Variants in IQGAP1 observed in about 807,000 individuals in gnomAD.
IQGAP1 encodes IQ motif containing GTPase activating protein 1, also known as ras GTPase-activating-like protein IQGAP1.
Under a neutral mutation model 215.6 loss-of-function variants are expected in IQGAP1, and 66 were observed. The observed-to-expected ratio is 0.31, with a 90% CI of 0.25 to 0.38. IQGAP1 has a LOEUF of 0.38. IQGAP1 is among the 10% of genes least tolerant of loss of function. IQGAP1 has a pLI of 1.00. For missense variants in IQGAP1, 1,712 were observed against 1,997.1 expected (o/e 0.86, Z 2.72); for synonymous variants, 772 against 728.7 (o/e 1.06, Z -0.96).
intron 2 of IQGAP1, among the ~76,000 whole-genome samples, chr15:90,405,007 TTA>T (rs1209517215): frequency 6.6e-6 from 1 of 152,248 alleles, no homozygotes; most frequent in African/African-American, 2.4e-5. Flanking sequence ...TATACTGAGA[TTA>T]TATAAAAACA....
intron 17 of IQGAP1, among the ~76,000 whole-genome samples, chr15:90,466,813 CG>C (rs1325665057): frequency 6.6e-6 from 1 of 152,148 alleles, no homozygotes; most frequent in Non-Finnish European, 1.5e-5. Flanking sequence ...AAAACTGGGC[CG>C]GGTGCGGTGG....
At chr15:90,462,287 G>T (rs1421864561) in intron 15 of IQGAP1, among the ~76,000 whole-genome samples, 1 of 152,234 alleles carries the variant, frequency 6.6e-6, no homozygotes, top group East Asian at 1.9e-4. Context: ...AGCTGTACCA[G>T]TTGTTAGGAC....
In IQGAP1 at chr15:90,491,327, C is replaced by G. The variant is rs6496679; in HGVS notation, c.4249-6C>G. 228,240 of 1,611,102 alleles carry G rather than the reference C, an allele frequency of 0.14. 19,264 individuals carry two copies. The highest frequency in any genetic ancestry group is 0.37 in the African/African-American group (27,690 of 74,692). On this transcript the variant is annotated splice_polypyrimidine_tract_variant and splice_region_variant and intron_variant, in intron 33 of 37. Transcript: ENST00000268182. ...CTTGCTAAGAACTTCTTTTTCCCAT[C>G]CGTAGGAAGCAGAACATCAGAGAGC...
intron 9 of IQGAP1, 135 bp from the exon 10 acceptor site, chr15:90,448,438 C>T: frequency 1.4e-6 from 1 of 725,744 alleles, no homozygotes; most frequent in Non-Finnish European, 2.1e-6. Flanking sequence ...TCTTATGCTT[C>T]TGAGAATCAC....
At chr15:90,478,264 T>G (rs1229905433) in intron 26 of IQGAP1, among the ~76,000 whole-genome samples, 1 of 152,224 alleles carries the variant, frequency 6.6e-6, no homozygotes, top group Non-Finnish European at 1.5e-5. Context: ...GTGCTGTGAT[T>G]ACAGCTGTGA....
rs1337102559 is a variant in IQGAP1 at position 90,453,288 on chromosome 15, C to T, written c.1483C>T (p.Gln495Ter). ...TACCAATATTGAGGAAGAAAACTGT[C>T]AGAGGTGGGTGTCCAGAGTGAAGGG... ...GLTNIEEENCQRYLDELMKLK... is the reference protein window; with the variant it reads ...GLTNIEEENC Residue 495 changes from glutamine (Q) to a stop codon, truncating the protein, a stop_gained, in exon 13 of 38, where the codon CAG becomes TAG. Transcript: ENST00000268182. LOFTEE classifies it high-confidence loss of function. 6.2e-7 allele frequency: 1 copy of T among 1,610,218 alleles called. No homozygotes were observed. Among genetic ancestry groups the T allele is most frequent in the Non-Finnish European group, 8.5e-7 (1 of 1,178,200 alleles).
chr15:90,484,150 G>T (rs1281410662), intron 29 of IQGAP1, 70 bp from the exon 30 acceptor site: 6 of 1,420,796 alleles, frequency 4.2e-6, no homozygotes, highest in Non-Finnish European at 5.9e-6. Flanking sequence ...TGAGAGGTTT[G>T]TGAAATGTCC....
intron 15 of IQGAP1, among the ~76,000 whole-genome samples, chr15:90,465,049 A>G (rs1431081724): frequency 6.6e-6 from 1 of 152,244 alleles, no homozygotes; most frequent in Non-Finnish European, 1.5e-5. Context: ...AACTCAGACT[A>G]TGCTGTGAGG....
At chr15:90,406,770 A>C (rs1964884446) in intron 2 of IQGAP1, among the ~76,000 whole-genome samples, 1 of 152,244 alleles carries the variant, frequency 6.6e-6, no homozygotes, top group South Asian at 2.1e-4. Context: ...ATGTACCGTG[A>C]ATCTAATAAT....
At chr15:90,456,551 G>A (rs1965683003) in intron 15 of IQGAP1, among the ~76,000 whole-genome samples, 1 of 151,930 alleles carries the variant, frequency 6.6e-6, no homozygotes, top group African/African-American at 2.4e-5. Flanking sequence ...AGTCTTTTGT[G>A]TCTCTTTCAG....
At chr15:90,428,480 A>C (rs1215515473) in intron 3 of IQGAP1, among the ~76,000 whole-genome samples, 1 of 151,892 alleles carries the variant, frequency 6.6e-6, no homozygotes, top group Non-Finnish European at 1.5e-5. Flanking sequence ...ACTCTGCAGC[A>C]ACAATAAAAA....
At chr15:90,416,245 TA>T (rs1965046107) in intron 2 of IQGAP1, among the ~76,000 whole-genome samples, 3 of 152,156 alleles carry the variant, frequency 2.0e-5, no homozygotes, top group Admixed American at 1.3e-4. Context: ...CATCCTTTTT[TA>T]TGGCTTCATA....
chr15:90,499,966 TG>T, intron 37 of IQGAP1, 28 bp from the exon 38 acceptor site: 1 of 329,796 alleles, frequency 3.0e-6, no homozygotes. Flanking sequence ...CAAAATGTTT[TG>T]TTTTGTTTTG....
intron 15 of IQGAP1, among the ~76,000 whole-genome samples, chr15:90,463,311 A>G (rs968756382): frequency 6.6e-6 from 1 of 152,228 alleles, no homozygotes; most frequent in Admixed American, 6.5e-5. Flanking sequence ...GGTTGTGCTA[A>G]GTCTCACAAC....
Position 90,492,585 on chromosome 15 carries a change from C to T in IQGAP1, c.4502C>T (p.Ala1501Val). The T allele has an allele frequency of 1.9e-6, 3 of 1,612,610 alleles. No individual in the cohort carries two copies. The highest frequency in any genetic ancestry group is 1.7e-6 in the Non-Finnish European group (2 of 1,179,584). ...NQRRYRQRRK[A>V]ELVKLQQTYA... The stretch of plus-strand genomic sequence containing the variant: ...CGGAGGTACCGACAGAGGAGAAAGG[C>T]CGAACTAGTGAAACTGCAACAGACA... Residue 1501 changes from alanine to valine, a missense_variant, in exon 35 of 38, where the codon GCC (alanine) becomes GTC (valine). By Grantham distance (64) the Ala-to-Val change is moderately conservative. This residue lies in a region of IQGAP1 where 691 missense variants were observed against 923.0 expected (regional missense o/e 0.75). Coordinates refer to ENST00000268182, the MANE Select transcript of IQGAP1 (RefSeq NM_003870.4).
chr15:90,473,685 T>G (rs1265691813), intron 19 of IQGAP1, 30 bp from the exon 20 acceptor site: 1 of 1,487,064 alleles, frequency 6.7e-7, no homozygotes, highest in Non-Finnish European at 9.4e-7. Context: ...TGGGAAGTAA[T>G]ATGTCTTCTG....
intron 2 of IQGAP1, among the ~76,000 whole-genome samples, chr15:90,410,623 G>C (rs915394931): frequency 6.6e-6 from 1 of 151,714 alleles, no homozygotes. Context: ...ACTCATAGGT[G>C]GGAATTGAAC....
intron 37 of IQGAP1, among the ~76,000 whole-genome samples, chr15:90,498,161 G>T (rs1966296892): frequency 6.7e-6 from 1 of 150,246 alleles, no homozygotes; most frequent in Non-Finnish European, 1.5e-5. Context: ...TGTAGCCCTT[G>T]CAGACATCCT....
Position 90,466,093 on chromosome 15 carries a change from T to C in IQGAP1, c.1867+2T>C. On this transcript the variant is annotated splice_donor_variant, in intron 16 of 37. Coordinates refer to ENST00000268182, the MANE Select transcript of IQGAP1 (RefSeq NM_003870.4). LOFTEE classifies it high-confidence loss of function. ...AAGACACCCAAGAAGCACAGAAGTG[T>C]ATGTATCACCTGTTTTATTTCTGTT... The C allele has an allele frequency of 6.2e-7, 1 of 1,613,364 alleles. No individual in the cohort carries two copies. The highest frequency in any genetic ancestry group is 8.5e-7 in the Non-Finnish European group (1 of 1,179,296).
Sources: gnomAD v4.1 joint callset for allele counts (sites outside exome capture counted in the v4.1 genomes callset) on GRCh38, gnomAD v4.1.1 for gene constraint, gnomAD v4.1.1 regional missense constraint, MANE v1.5 for transcripts, NCBI Gene and HGNC (gene_info 2026-07-23, HGNC 2026-07-21) for gene names.